The following AFAP1L2 variants were observed in gnomAD, a reference collection of about 807,000 sequenced individuals.
The protein encoded by AFAP1L2 is actin filament associated protein 1 like 2.
A neutral mutation model predicts 99.3 loss-of-function variants in AFAP1L2; 46 were observed. The ratio of observed to expected loss-of-function variants is 0.46; its 90% confidence interval spans 0.37 to 0.59. The LOEUF (loss-of-function observed/expected upper bound fraction) is 0.59. AFAP1L2 is among the 20% of genes least tolerant of loss of function. The pLI, the probability that AFAP1L2 is intolerant of heterozygous loss-of-function variation, is 0.00. For missense variants in AFAP1L2, 959 were observed against 1,034.9 expected (o/e 0.93, Z 1.01); for synonymous variants, 397 against 419.1 (o/e 0.95, Z 0.64).
chr10:114,319,463 G>T, intron 5 of AFAP1L2: 1 of 914,468 alleles, frequency 1.1e-6, no homozygotes, highest in Non-Finnish European at 1.5e-6. Context: ...CACGAGGACA[G>T]GAAGAAGACA....
At chr10:114,384,434 G>A (rs569661653) in intron 1 of AFAP1L2, among the ~76,000 whole-genome samples, 17 of 152,244 alleles carry the variant, frequency 1.1e-4, no homozygotes, top group Non-Finnish European at 2.2e-4. Context: ...ATTTAGGGCC[G>A]CTGTGAGCGT....
At chr10:114,347,517 C>T (rs2049782342) in intron 1 of AFAP1L2, among the ~76,000 whole-genome samples, 1 of 152,086 alleles carries the variant, frequency 6.6e-6, no homozygotes, top group East Asian at 1.9e-4. Flanking sequence ...ACTCTGTCAT[C>T]CAGGCTGGAG....
downstream of AFAP1L2, chr10:114,291,306 A>C: frequency 6.7e-7 from 1 of 1,493,222 alleles, no homozygotes; most frequent in Non-Finnish European, 9.0e-7. Flanking sequence ...AGGCCTGGGC[A>C]CTGAAATGGT....
At chr10:114,330,004 G>A (rs1181608525) in intron 4 of AFAP1L2, among the ~76,000 whole-genome samples, 2 of 152,092 alleles carry the variant, frequency 1.3e-5, no homozygotes, top group African/African-American at 2.4e-5. Flanking sequence ...TGTAGCAGTC[G>A]CTGGCATTGT....
At chr10:114,353,864 A>C in intron 1 of AFAP1L2, among the ~76,000 whole-genome samples, 1 of 152,188 alleles carries the variant, frequency 6.6e-6, no homozygotes, top group East Asian at 1.9e-4. Context: ...TGGAAATGGA[A>C]GGGGGAATTC....
chr10:114,299,332 C>G lies in AFAP1L2; in HGVS notation c.2041G>C (p.Glu681Gln). 2 of 1,614,226 alleles carry G rather than the reference C, an allele frequency of 1.2e-6. No individual in the cohort carries two copies. Among genetic ancestry groups the G allele is most frequent in the Non-Finnish European group, 1.7e-6 (2 of 1,180,040 alleles). Residue 681 changes from glutamate (E) to glutamine (Q), a missense_variant, in exon 16 of 19, where the codon GAA becomes CAA. Physicochemically the swap from Glu to Gln is conservative, Grantham distance 29. Coordinates refer to ENST00000304129, the MANE Select transcript of AFAP1L2 (RefSeq NM_001001936.3). ...AGCTGAGCCAGGTGCCCCCGGATTT[C>G]TTCCTTCTTCTTTTCAAGCCTCTCC... ...EKERLEKKKEEIRGHLAQLRK... is the reference protein window; with the variant it reads ...EKERLEKKKEQIRGHLAQLRK...
chr10:114,378,724 C>G (rs2055147503), intron 1 of AFAP1L2, among the ~76,000 whole-genome samples: 1 of 152,186 alleles, frequency 6.6e-6, no homozygotes, highest in Non-Finnish European at 1.5e-5. Context: ...CAATGGCCCC[C>G]CATCTTCCAG....
chr10:114,337,874 C>T (rs1345578020), intron 2 of AFAP1L2, among the ~76,000 whole-genome samples: 6 of 152,166 alleles, frequency 3.9e-5, no homozygotes, highest in Non-Finnish European at 8.8e-5. Context: ...ATGAATCCTT[C>T]ATGGAGTGAA....
intron 1 of AFAP1L2, among the ~76,000 whole-genome samples, chr10:114,399,138 C>T (rs549251594): frequency 1.9e-3 from 282 of 152,352 alleles, no homozygotes; most frequent in Middle Eastern, 3.4e-3. Flanking sequence ...GGCAGTGTGC[C>T]AGGGGCTGGA....
chr10:114,296,870 C>A, intron 18 of AFAP1L2, 108 bp downstream of exon 18: 2 of 1,583,702 alleles, frequency 1.3e-6, no homozygotes, highest in Non-Finnish European at 1.7e-6. Flanking sequence ...CGAGCCCTTG[C>A]TCAGAGCTGG....
At chr10:114,388,726 C>A (rs1167062593) in intron 1 of AFAP1L2, among the ~76,000 whole-genome samples, 2 of 152,188 alleles carry the variant, frequency 1.3e-5, no homozygotes, top group Admixed American at 1.3e-4. Flanking sequence ...AGGACATCAG[C>A]ACGTTCATTA....
At chr10:114,280,750 A>T in the AFAP1L2 span, 1 of 151,990 alleles carries the variant, frequency 6.6e-6, no homozygotes, top group Non-Finnish European at 1.5e-5. Flanking sequence ...TTTTATTATT[A>T]TTTTTTTGAG....
rs1168065893 is a variant in AFAP1L2, at chr10:114,300,317, T to C, written c.1834A>G (p.Thr612Ala). The change falls in exon 15 of 19, where the codon ACC (threonine) becomes GCC (alanine). Residue 612 changes from threonine (T) to alanine (A), a missense_variant. This residue lies in a region of AFAP1L2 where 576 missense variants were observed against 562.1 expected (regional missense o/e 1.02). Transcript: ENST00000304129. ...EPEDPSLRIT[T>A]VKIQTEQQRI... ...TGCTGTTCCGTCTGGATTTTGACGG[T>C]GGTGATTCTCAGGGAAGGATCCTCT... The C allele has an allele frequency of 6.8e-6, 11 of 1,614,070 alleles. No individual in the cohort carries two copies. Among genetic ancestry groups the C allele is most frequent in the Non-Finnish European group, 9.3e-6 (11 of 1,180,016 alleles).
intron 1 of AFAP1L2, 73 bp from the exon 2 acceptor site, chr10:114,340,804 AC>A: frequency 6.2e-7 from 1 of 1,602,898 alleles, no homozygotes; most frequent in Non-Finnish European, 8.5e-7. Flanking sequence ...ACACCTCGGG[AC>A]CCTGCAGCCT....
chr10:114,367,634 C>T (rs2053477015), intron 1 of AFAP1L2, among the ~76,000 whole-genome samples: 1 of 152,184 alleles, frequency 6.6e-6, no homozygotes, highest in African/African-American at 2.4e-5. Flanking sequence ...CCCAGTAAAT[C>T]ACTGTTAATT....
chr10:114,346,915 G>T (rs1377698870), intron 1 of AFAP1L2, among the ~76,000 whole-genome samples: 1 of 152,162 alleles, frequency 6.6e-6, no homozygotes, highest in East Asian at 1.9e-4. Flanking sequence ...TCTTGAGGCT[G>T]TCTTGCTTTT....
Position 114,307,774 on chromosome 10 carries a change from C to T in AFAP1L2, c.1072+31G>A, listed in dbSNP as rs767558537. The stretch of plus-strand genomic sequence containing the variant: ...GCAGGTTCCAGCCCAGGAAATGAGC[C>T]TGTGGTCCCGGAGGTAGCTACAATT... On this transcript the variant is annotated intron_variant, in intron 10 of 18. Transcript: ENST00000304129. 3.1e-6 allele frequency: 5 copies of T among 1,590,122 alleles called. No homozygotes were observed. The African/African-American group carries it at 5.4e-5, about 17-fold the overall frequency.
the AFAP1L2 span, chr10:114,289,237 G>C: frequency 6.2e-7 from 1 of 1,613,906 alleles, no homozygotes; most frequent in Non-Finnish European, 8.5e-7. Context: ...AGTGATGACC[G>C]TCCAGAGGGG....
intron 4 of AFAP1L2, among the ~76,000 whole-genome samples, chr10:114,323,659 A>G (rs530049663): frequency 1.3e-5 from 2 of 152,358 alleles, no homozygotes; most frequent in African/African-American, 4.8e-5. Flanking sequence ...ACAAGTGCTA[A>G]TCAATAGCAC....
Sources: gnomAD v4.1 joint callset for allele counts (sites outside exome capture counted in the v4.1 genomes callset) on GRCh38, gnomAD v4.1.1 for gene constraint, gnomAD v4.1.1 regional missense constraint, MANE v1.5 for transcripts, NCBI Gene and HGNC (gene_info 2026-07-23, HGNC 2026-07-21) for gene names.